The following SLFN12L variants were observed in gnomAD, a reference collection of about 807,000 sequenced individuals.
SLFN12L encodes schlafen family member 12-like.
SLFN12L carries 34 observed loss-of-function variants against 34.8 expected under a neutral mutation model. That is an observed-to-expected ratio of 0.98 (90% CI 0.74 to 1.30). The LOEUF is 1.30. Among genes scored for constraint, SLFN12L ranks in the 50% most tolerant of loss-of-function variants. The pLI, the probability that SLFN12L is intolerant of heterozygous loss-of-function variation, is 0.00. For missense variants in SLFN12L, 703 were observed against 696.2 expected (o/e 1.01, Z -0.11); for synonymous variants, 259 against 247.5 (o/e 1.05, Z -0.44).
chr17:35,502,105 T>C (rs983641620), intron 2 of SLFN12L, among the ~76,000 whole-genome samples: 1 of 150,942 alleles, frequency 6.6e-6, no homozygotes, highest in Non-Finnish European at 1.5e-5. Context: ...AATATACAAG[T>C]AGTTAAGAAA....
At chr17:35,503,381 G>A (rs962443201) in intron 2 of SLFN12L, among the ~76,000 whole-genome samples, 3 of 152,078 alleles carry the variant, frequency 2.0e-5, no homozygotes, top group African/African-American at 7.2e-5. Flanking sequence ...AGGTTAAAAA[G>A]AGTCTATAAA....
intron 2 of SLFN12L, among the ~76,000 whole-genome samples, chr17:35,513,543 G>A (rs548927578): frequency 1.3e-5 from 2 of 152,316 alleles, no homozygotes; most frequent in Non-Finnish European, 2.9e-5. Context: ...AGTACCAACA[G>A]ATGCCACCAA....
Position 35,479,115 on chromosome 17 carries a change from A to G in SLFN12L, c.1165+2T>C, listed in dbSNP as rs1169509646. 2 of 1,548,356 alleles carry G rather than the reference A, an allele frequency of 1.3e-6. No homozygotes were observed. Among genetic ancestry groups the G allele is most frequent in the Non-Finnish European group, 1.7e-6 (2 of 1,144,524 alleles). ...CCTTATTGCCAATCCTCCTTCCTCA[A>G]CCTGGTTCTGAATCCACCATGAACT... On this transcript the variant is annotated splice_donor_variant, in intron 3 of 4. Coordinates refer to ENST00000628453, the MANE Select transcript of SLFN12L (RefSeq NM_001363830.2). LOFTEE classifies it high-confidence loss of function.
intron 2 of SLFN12L, among the ~76,000 whole-genome samples, chr17:35,512,632 C>T (rs949653945): frequency 1.3e-5 from 2 of 152,162 alleles, no homozygotes; most frequent in African/African-American, 2.4e-5. Context: ...TCCCAAAGTG[C>T]CAGGATTACA....
At chr17:35,536,779 A>G (rs565175544) in intron 1 of SLFN12L, among the ~76,000 whole-genome samples, 4 of 151,986 alleles carry the variant, frequency 2.6e-5, no homozygotes, top group African/African-American at 9.7e-5. Context: ...ACTGCACTCC[A>G]GCCTGGGTGA....
chr17:35,472,747 G>A lies in SLFN12L; in HGVS notation c.*2176C>T, dbSNP rs1913826653. 6.6e-6 allele frequency among the ~76,000 whole-genome samples: 1 copy of A among 152,154 alleles called. No individual in the cohort carries two copies. The highest frequency in any genetic ancestry group is 6.5e-5 in the Admixed American group (1 of 15,278). On this transcript the variant is annotated 3_prime_UTR_variant, in exon 5 of 5. Transcript: ENST00000628453. ...ATCTATAAATTACTTTGGGCAATAT[G>A]GCCATTTTCATGATATTGATTCTTC... is the stretch of plus-strand genomic sequence containing the variant.
chr17:35,523,561 C>G (rs1241266909), intron 1 of SLFN12L, among the ~76,000 whole-genome samples: 3 of 152,194 alleles, frequency 2.0e-5, no homozygotes, highest in Non-Finnish European at 4.4e-5. Context: ...GGCTCCCCCC[C>G]ATTACAAAAG....
chr17:35,484,602 C>T (rs1333231848), intron 2 of SLFN12L, among the ~76,000 whole-genome samples: 4 of 152,138 alleles, frequency 2.6e-5, no homozygotes, highest in Non-Finnish European at 5.9e-5. Flanking sequence ...CTCAATGGCC[C>T]TTCACCCAAG....
chr17:35,509,915 T>C (rs892035294), intron 2 of SLFN12L: 1 of 152,232 alleles, frequency 6.6e-6, no homozygotes, highest in African/African-American at 2.4e-5. Flanking sequence ...GCCAAGATGG[T>C]CTCGATCTCC....
intron 2 of SLFN12L, chr17:35,510,317 G>A (rs1182720095): frequency 6.6e-6 from 1 of 152,196 alleles, no homozygotes; most frequent in Admixed American, 6.5e-5. Context: ...ATTCATGGAA[G>A]CATTATCCAC....
intron 2 of SLFN12L, among the ~76,000 whole-genome samples, chr17:35,502,233 C>G (rs575000169): frequency 4.6e-5 from 7 of 151,946 alleles, no homozygotes; most frequent in Non-Finnish European, 1.0e-4. Context: ...TCAGTGTAAA[C>G]AAGGGGGTAT....
In SLFN12L at chr17:35,468,905, A is replaced by G. The variant is rs1913756513; in HGVS notation, c.*6018T>C. ...GTGGTGTACACCTGTAGTCCCAGCTACTCAAGAGTCTGAGGCAGGAGAATC... is the reference window on the plus strand; with the variant it reads ...GTGGTGTACACCTGTAGTCCCAGCTGCTCAAGAGTCTGAGGCAGGAGAATC... On this transcript the variant is annotated 3_prime_UTR_variant, in exon 5 of 5. Coordinates refer to ENST00000628453, the MANE Select transcript of SLFN12L (RefSeq NM_001363830.2). 6.6e-6 allele frequency among the ~76,000 whole-genome samples: 1 copy of G among 152,084 alleles called. No homozygotes were observed. The highest frequency in any genetic ancestry group is 2.1e-4 in the South Asian group (1 of 4,816).
intron 2 of SLFN12L, among the ~76,000 whole-genome samples, chr17:35,498,049 A>T (rs1044972983): frequency 2.0e-5 from 3 of 152,142 alleles, no homozygotes; most frequent in Non-Finnish European, 2.9e-5. Flanking sequence ...ATAAAGAGTC[A>T]CAGAGCGGCC....
At chr17:35,525,621 G>A (rs983004830) in intron 1 of SLFN12L, among the ~76,000 whole-genome samples, 4 of 152,190 alleles carry the variant, frequency 2.6e-5, no homozygotes, top group African/African-American at 9.7e-5. Flanking sequence ...AGTTTCACAA[G>A]TGAAGGAGAA....
intron 2 of SLFN12L, chr17:35,498,233 C>T (rs543250040): frequency 2.6e-6 from 2 of 773,024 alleles, no homozygotes; most frequent in East Asian, 4.9e-5. Flanking sequence ...GAGTGCGTAC[C>T]GAGGAGATCC....
intron 2 of SLFN12L, among the ~76,000 whole-genome samples, chr17:35,505,689 C>T (rs1482858787): frequency 6.6e-6 from 1 of 152,126 alleles, no homozygotes; most frequent in Non-Finnish European, 1.5e-5. Flanking sequence ...CCAAGACCAC[C>T]CTTGAACAGT....
intron 2 of SLFN12L, among the ~76,000 whole-genome samples, chr17:35,516,476 G>T (rs192868901): frequency 2.6e-3 from 396 of 152,364 alleles, no homozygotes; most frequent in African/African-American, 9.0e-3. Context: ...TGTCAGCCTT[G>T]ACACTATTGA....
At chr17:35,532,170 G>A (rs968673223) in intron 1 of SLFN12L, among the ~76,000 whole-genome samples, 5 of 152,186 alleles carry the variant, frequency 3.3e-5, no homozygotes, top group Non-Finnish European at 5.9e-5. Context: ...CACAGGCCGC[G>A]CACAGTGGCT....
rs1003015232 is a variant in SLFN12L at position 35,466,715 on chromosome 17, C to T, written c.*8208G>A. Among the ~76,000 whole-genome samples, 13 of 152,210 alleles carry T rather than the reference C, an allele frequency of 8.5e-5. No homozygotes were observed. Among genetic ancestry groups the T allele is most frequent in the African/African-American group, 2.9e-4 (12 of 41,438 alleles). On this transcript the variant is annotated 3_prime_UTR_variant, in exon 5 of 5. Transcript: ENST00000628453. ...TAAAATCTATCCAAATTAATACCAA[C>T]AGACAGACCCATTGGTGCCTGCATT... is the stretch of plus-strand genomic sequence containing the variant.
Sources: allele counts gnomAD v4.1 joint callset (sites outside exome capture counted in the v4.1 genomes callset), GRCh38; gene constraint gnomAD v4.1.1; transcripts MANE v1.5; gene names NCBI Gene and HGNC (gene_info 2026-07-23, HGNC 2026-07-21).